RAB2A: variants seen among roughly 807,000 people sequenced by gnomAD.
RAB2A encodes ras-related protein Rab-2A.
RAB2A carries 7 observed loss-of-function variants against 32.5 expected under a neutral mutation model. The observed-to-expected ratio is 0.22, with a 90% CI of 0.12 to 0.40. The LOEUF (loss-of-function observed/expected upper bound fraction) is 0.40. RAB2A is among the 10% of genes least tolerant of loss of function. RAB2A has a pLI of 1.00. For synonymous variants in RAB2A, 79 were observed against 85.2 expected (o/e 0.93, Z 0.40); for missense variants, 108 against 260.7 (o/e 0.41, Z 4.03).
intron 1 of RAB2A, among the ~76,000 whole-genome samples, chr8:60,551,007 T>G (rs1420106440): frequency 6.6e-6 from 1 of 152,194 alleles, no homozygotes; most frequent in Non-Finnish European, 1.5e-5. Context: ...TACTCTTCTC[T>G]CAGTGATCCA....
intron 1 of RAB2A, among the ~76,000 whole-genome samples, chr8:60,531,801 T>TA (rs945846945): frequency 6.7e-6 from 1 of 149,668 alleles, no homozygotes; most frequent in South Asian, 2.1e-4. Context: ...TACCTTGATT[T>TA]TTTTTTTTTT....
chr8:60,608,984 C>G (rs950321177), intron 6 of RAB2A, among the ~76,000 whole-genome samples: 1 of 152,170 alleles, frequency 6.6e-6, no homozygotes, highest in Non-Finnish European at 1.5e-5. Flanking sequence ...TTCCTGTCTT[C>G]ATTTTTCAGT....
At chr8:60,551,568 C>T (rs1287016801) in intron 1 of RAB2A, among the ~76,000 whole-genome samples, 1 of 152,186 alleles carries the variant, frequency 6.6e-6, no homozygotes, top group African/African-American at 2.4e-5. Flanking sequence ...AACTGAGGCA[C>T]TAAAAAGATA....
chr8:60,604,088 T>C (rs1804183909), intron 6 of RAB2A, among the ~76,000 whole-genome samples: 1 of 152,138 alleles, frequency 6.6e-6, no homozygotes, highest in Non-Finnish European at 1.5e-5. Flanking sequence ...GGTGCAGTTC[T>C]TGTGATAGTT....
chr8:60,521,090 C>T (rs1273674753), intron 1 of RAB2A, among the ~76,000 whole-genome samples: 1 of 152,202 alleles, frequency 6.6e-6, no homozygotes, highest in African/African-American at 2.4e-5. Flanking sequence ...TGCCAGATTA[C>T]AAGCACAAGC....
chr8:60,539,431 C>T (rs1398149592), intron 1 of RAB2A, among the ~76,000 whole-genome samples: 1 of 152,080 alleles, frequency 6.6e-6, no homozygotes, highest in African/African-American at 2.4e-5. Flanking sequence ...GTATAATTAC[C>T]ATTACACAAA....
intron 6 of RAB2A, among the ~76,000 whole-genome samples, chr8:60,607,539 A>G (rs1804256111): frequency 6.6e-6 from 1 of 152,018 alleles, no homozygotes; most frequent in Non-Finnish European, 1.5e-5. Flanking sequence ...GGCCTCCCGA[A>G]GTGCTGGGAT....
intron 6 of RAB2A, among the ~76,000 whole-genome samples, chr8:60,605,852 T>TATATATATATATAA (rs777621349): frequency 0.027 from 3,948 of 144,510 alleles, 99 homozygotes; most frequent in Admixed American, 0.055. Flanking sequence ...TATATATATA[T>TATATATATATATAA]AATGCTTCAT....
At chr8:60,618,050 T>C (rs1804476591) in intron 6 of RAB2A, among the ~76,000 whole-genome samples, 1 of 152,238 alleles carries the variant, frequency 6.6e-6, no homozygotes, top group African/African-American at 2.4e-5. Flanking sequence ...CATGAATCAG[T>C]ACTTCATTCC....
intron 5 of RAB2A, among the ~76,000 whole-genome samples, chr8:60,587,646 C>T (rs1390670029): frequency 1.3e-5 from 2 of 152,020 alleles, no homozygotes; most frequent in Non-Finnish European, 2.9e-5. Flanking sequence ...GTTCTCACCA[C>T]AAAAAACGAT....
chr8:60,536,089 A>C (rs992550729), intron 1 of RAB2A, among the ~76,000 whole-genome samples: 1 of 152,214 alleles, frequency 6.6e-6, no homozygotes, highest in African/African-American at 2.4e-5. Context: ...TGGTATTTAC[A>C]TTTTGCATTT....
intron 1 of RAB2A, among the ~76,000 whole-genome samples, chr8:60,529,712 T>C (rs1054374346): frequency 6.6e-6 from 1 of 152,222 alleles, no homozygotes; most frequent in Admixed American, 6.5e-5. Context: ...TTATTGATAT[T>C]AATTGCTTGA....
Position 60,525,963 on chromosome 8 carries a change from A to ATATATGTC in RAB2A, c.46+8726_46+8733dup, listed in dbSNP as rs1311854189. 4.8e-5 allele frequency among the ~76,000 whole-genome samples: 7 copies of ATATATGTC among 146,594 alleles called. No individual in the cohort carries two copies. The Admixed American group carries it at 4.8e-4, about 10-fold the overall frequency. ...TATGTCTATATATGTATATATGTAT[A>ATATATGTC]TATATGTCTATATGTCTATATGTAT... is the stretch of plus-strand genomic sequence containing the variant. On this transcript the variant is annotated intron_variant, in intron 1 of 7. Coordinates refer to ENST00000262646, the MANE Select transcript of RAB2A (RefSeq NM_002865.3).
At chr8:60,576,336 CCTTGTTCTGCT>C (rs1373853821) in intron 3 of RAB2A, 4 of 454,590 alleles carry the variant, frequency 8.8e-6, no homozygotes, top group Admixed American at 4.7e-5. Context: ...GCCATTACTG[CCTTGTTCTGCT>C]CTTGTTCTTT....
intron 1 of RAB2A, among the ~76,000 whole-genome samples, chr8:60,521,806 A>T (rs1255751695): frequency 6.6e-6 from 1 of 152,128 alleles, no homozygotes; most frequent in African/African-American, 2.4e-5. Context: ...TTTTTAGTAG[A>T]GATGGAGTTT....
rs41272433 is a variant in RAB2A, at chr8:60,621,197, A to T, written c.*428A>T. The T allele has an allele frequency of 0.012, 1,846 of 156,502 alleles. 37 individuals are homozygous for T. Among genetic ancestry groups the T allele is most frequent in the African/African-American group, 0.042 (1,752 of 41,552 alleles). The allele number at this position is 156,502 out of a possible 1,614,324, so 9.7% of individuals were successfully genotyped here. ...TTCACGGCTATAAGGAAACAGAAGG[A>T]CTCTTTTAATTCTGTATTTATCATT... On this transcript the variant is annotated 3_prime_UTR_variant, in exon 8 of 8. Transcript: ENST00000262646.
chr8:60,566,576 A>T lies in RAB2A; in HGVS notation c.119-5470A>T, dbSNP rs16926284. Among the ~76,000 whole-genome samples the T allele has an allele frequency of 2.6e-5, 4 of 151,964 alleles. No homozygotes were observed. In the East Asian group the frequency reaches 7.7e-4, roughly 29 times the overall value. On this transcript the variant is annotated intron_variant, in intron 2 of 7. Transcript: ENST00000262646. ...TTCTGTAACTATAAATTTGCATTCT[A>T]TTTGGTATGTGGTCATGTATATCAT...
chr8:60,578,493 A>G (rs770413060), intron 3 of RAB2A, among the ~76,000 whole-genome samples: 1 of 152,220 alleles, frequency 6.6e-6, no homozygotes, highest in Non-Finnish European at 1.5e-5. Flanking sequence ...GCAAGGAGTT[A>G]AGCAGAGGCA....
At chr8:60,565,048 C>T (rs995383070) in intron 2 of RAB2A, among the ~76,000 whole-genome samples, 4 of 152,194 alleles carry the variant, frequency 2.6e-5, no homozygotes, top group Non-Finnish European at 4.4e-5. Context: ...GACAGTTTGA[C>T]CAATGTTAGT....
Sources: allele counts gnomAD v4.1 joint callset (sites outside exome capture counted in the v4.1 genomes callset), GRCh38; gene constraint gnomAD v4.1.1; transcripts MANE v1.5; gene names NCBI Gene and HGNC (gene_info 2026-07-23, HGNC 2026-07-21).